Variants in FAM135B observed in about 807,000 individuals in gnomAD.
The protein encoded by FAM135B is protein FAM135B.
Under a neutral mutation model 127.7 loss-of-function variants are expected in FAM135B, and 43 were observed. That is an observed-to-expected ratio of 0.34 (90% confidence interval 0.26 to 0.43). The LOEUF (loss-of-function observed/expected upper bound fraction) is 0.43, where lower values mean the gene tolerates loss of function less well. FAM135B is among the 20% of genes least tolerant of loss of function. The probability of loss-of-function intolerance (pLI) is 1.00; values close to 1 mark genes in which losing one functional copy is unlikely to be tolerated. For synonymous variants in FAM135B, 670 were observed against 665.1 expected, an observed-to-expected ratio of 1.01 and a Z score of -0.11; for missense variants, 1,558 against 1,725.6, an observed-to-expected ratio of 0.90 and a Z score of 1.72.
chr8:138,333,856 G>A (rs1828358233), intron 2 of FAM135B, among the ~76,000 whole-genome samples: 1 of 152,138 alleles, frequency 6.6e-6, no homozygotes, highest in South Asian at 2.1e-4. Flanking sequence ...AGGAATGAGT[G>A]CATGATCCAT....
chr8:138,480,152 T>C (rs1008097200), intron 1 of FAM135B, among the ~76,000 whole-genome samples: 2 of 152,192 alleles, frequency 1.3e-5, no homozygotes, highest in African/African-American at 4.8e-5. Flanking sequence ...GGCTCCACCA[T>C]TCTTAACAAT....
intron 1 of FAM135B, among the ~76,000 whole-genome samples, chr8:138,433,720 G>GT (rs1239136639): frequency 6.6e-6 from 1 of 152,128 alleles, no homozygotes; most frequent in Non-Finnish European, 1.5e-5. Flanking sequence ...TTTATGACTT[G>GT]TTTTCTTAGC....
At chr8:138,387,591 G>A (rs1832294330) in intron 1 of FAM135B, among the ~76,000 whole-genome samples, 1 of 152,074 alleles carries the variant, frequency 6.6e-6, no homozygotes, top group Non-Finnish European at 1.5e-5. Context: ...GCTGAGGGTT[G>A]GGACTCCTAT....
chr8:138,177,473 C>A (rs1814583486), intron 10 of FAM135B, 53 bp from the exon 11 acceptor site: 2 of 1,446,824 alleles, frequency 1.4e-6, no homozygotes, highest in Middle Eastern at 2.0e-4. Context: ...GTATTACCTG[C>A]ACTTTCTTTT....
Position 138,312,890 on chromosome 8 carries a change from A to G in FAM135B, c.78-1970T>C, listed in dbSNP as rs114211945. Among the ~76,000 whole-genome samples, 1,095 of 152,316 alleles carry G rather than the reference A, an allele frequency of 7.2e-3. 8 individuals are homozygous for G. The highest frequency in any genetic ancestry group is 0.025 in the African/African-American group (1,052 of 41,578). ...CACCACCCCGCAGTAATGAGGGCAT[A>G]CATATGCCCATGTGATTTTCACAAA... On this transcript the variant is annotated intron_variant, in intron 2 of 19. Coordinates refer to ENST00000395297, the MANE Select transcript of FAM135B (RefSeq NM_015912.4).
chr8:138,408,568 C>A (rs1022190112), intron 1 of FAM135B, among the ~76,000 whole-genome samples: 10 of 152,132 alleles, frequency 6.6e-5, no homozygotes, highest in African/African-American at 2.2e-4. Context: ...AATATACTAC[C>A]TGAGACTGGA....
chr8:138,301,521 T>G (rs1419148479), intron 3 of FAM135B, among the ~76,000 whole-genome samples: 1 of 152,150 alleles, frequency 6.6e-6, no homozygotes, highest in African/African-American at 2.4e-5. Flanking sequence ...CATTCAGCTT[T>G]CCACTTCCTT....
At chr8:138,434,039 C>T (rs925938) in intron 1 of FAM135B, among the ~76,000 whole-genome samples, 55,326 of 152,026 alleles carry the variant, frequency 0.36, 11,372 homozygotes, top group Non-Finnish European at 0.47. Context: ...GCAGCATTGA[C>T]ATTGCCCTTG....
At chr8:138,314,077 G>T (rs965037307) in intron 2 of FAM135B, among the ~76,000 whole-genome samples, 1 of 152,166 alleles carries the variant, frequency 6.6e-6, no homozygotes, top group Non-Finnish European at 1.5e-5. Context: ...CCTAAGGGCA[G>T]GAATGCTGTG....
chr8:138,207,216 C>CTTT (rs72229891), intron 7 of FAM135B, among the ~76,000 whole-genome samples: 6 of 134,060 alleles, frequency 4.5e-5, no homozygotes, highest in African/African-American at 1.4e-4. Context: ...TGAAACAATA[C>CTTT]TTTTTTTTTT....
chr8:138,374,462 A>G (rs1007758124), intron 1 of FAM135B, among the ~76,000 whole-genome samples: 1 of 152,282 alleles, frequency 6.6e-6, no homozygotes, highest in African/African-American at 2.4e-5. Context: ...TGACTGGGCT[A>G]TAAGCCCCTA....
At position 138,181,522 on chromosome 8, in the gene FAM135B, G is replaced by C. The variant is rs142408279; in HGVS notation, c.874-2832C>G. On this transcript the variant is annotated intron_variant, in intron 9 of 19. Transcript: ENST00000395297. ...AGCCATACCAACCTGCTGGCAGTGG[G>C]CTGCACACACACCTGGTCCTCTCCA... is the stretch of plus-strand genomic sequence containing the variant. Among the ~76,000 whole-genome samples, 762 of 152,138 alleles carry C rather than the reference G, an allele frequency of 5.0e-3. 3 individuals are homozygous for C. The highest frequency in any genetic ancestry group is 0.015 in the African/African-American group (609 of 41,540).
Position 138,131,290 on chromosome 8 carries a change from G to C in FAM135B, c.*1303C>G, listed in dbSNP as rs1009027478. 6.6e-6 allele frequency: 1 copy of C among 152,082 alleles called. No homozygotes were observed. The highest frequency in any genetic ancestry group is 2.1e-4 in the South Asian group (1 of 4,820). The allele number at this position is 152,082 out of a possible 1,614,324, so 9.4% of individuals were successfully genotyped here. On this transcript the variant is annotated 3_prime_UTR_variant, in exon 20 of 20. Coordinates refer to ENST00000395297, the MANE Select transcript of FAM135B (RefSeq NM_015912.4). ...TGTCTTACTTATCCCTACTGTCCAG[G>C]TTCATTCATCTCTTCCATACAACGA...
chr8:138,442,267 T>TATATATATATATACATATATAC (rs34280434), intron 1 of FAM135B, among the ~76,000 whole-genome samples: 2 of 86,762 alleles, frequency 2.3e-5, no homozygotes, highest in African/African-American at 8.9e-5. Context: ...TATATATATA[T>TATATATATATATACATATATAC]ATATATATAT....
intron 1 of FAM135B, among the ~76,000 whole-genome samples, chr8:138,491,585 G>A (rs1420339398): frequency 3.9e-5 from 6 of 152,210 alleles, no homozygotes; most frequent in Middle Eastern, 3.4e-3. Context: ...ACTCTGGCAC[G>A]GAGGCAATCC....
Position 138,323,712 on chromosome 8 carries a change from T to A in FAM135B, c.78-12792A>T, listed in dbSNP as rs534983814. The stretch of plus-strand genomic sequence containing the variant: ...TACACTTCTTACTGTGGGATCTGAT[T>A]GCAGGACCCTCCTGGGCCATACTTT... On this transcript the variant is annotated intron_variant, in intron 2 of 19. Coordinates refer to ENST00000395297, the MANE Select transcript of FAM135B (RefSeq NM_015912.4). Among the ~76,000 whole-genome samples the A allele has an allele frequency of 4.3e-4, 66 of 152,344 alleles. 1 individual carries two copies. The South Asian group carries it at 0.013, about 31-fold the overall frequency.
At chr8:138,255,949 C>T (rs940846928) in intron 5 of FAM135B, among the ~76,000 whole-genome samples, 3 of 152,094 alleles carry the variant, frequency 2.0e-5, no homozygotes, top group African/African-American at 4.8e-5. Context: ...CCTACCATGC[C>T]CTGTTCCTAC....
chr8:138,442,392 C>A, intron 1 of FAM135B, among the ~76,000 whole-genome samples: 1 of 151,190 alleles, frequency 6.6e-6, no homozygotes, highest in East Asian at 2.0e-4. Flanking sequence ...TTAATGAGCA[C>A]GTACTACTAT....
At chr8:138,414,820 C>T (rs1563982781) in intron 1 of FAM135B, among the ~76,000 whole-genome samples, 1 of 152,054 alleles carries the variant, frequency 6.6e-6, no homozygotes, top group Non-Finnish European at 1.5e-5. Flanking sequence ...GGCTGAGTGT[C>T]CTAATTCTAA....
Sources: allele counts gnomAD v4.1 joint callset (sites outside exome capture counted in the v4.1 genomes callset), GRCh38; gene constraint gnomAD v4.1.1; transcripts MANE v1.5; gene names NCBI Gene and HGNC (gene_info 2026-07-23, HGNC 2026-07-21).